The following MYT1L variants were observed in gnomAD, a reference collection of about 807,000 sequenced individuals.
MYT1L encodes myelin transcription factor 1 like.
Under a neutral mutation model 126.7 loss-of-function variants are expected in MYT1L, and 12 were observed. The ratio of observed to expected loss-of-function variants is 0.09; its 90% CI spans 0.06 to 0.15. MYT1L has a LOEUF of 0.15. MYT1L is among the 10% of genes least tolerant of loss of function. The pLI, the probability that MYT1L is intolerant of heterozygous loss-of-function variation, is 1.00. For synonymous variants in MYT1L, 541 were observed against 604.2 expected (o/e 0.90, Z 1.53); for missense variants, 979 against 1,585.2 (o/e 0.62, Z 6.49).
In MYT1L at chr2:1,997,499, G is replaced by A. The variant is rs1001403676; in HGVS notation, c.-157-152C>T. 2.6e-5 allele frequency among the ~76,000 whole-genome samples: 4 copies of A among 152,222 alleles called. No individual in the cohort carries two copies. In the South Asian group the frequency reaches 6.2e-4, roughly 24 times the overall value. ...GTTCTCTTTCATGTCCATGAGCAAC[G>A]CATTCCCCTTTAGAGTTTATTCTCC... is the stretch of plus-strand genomic sequence containing the variant. On this transcript the variant is annotated intron_variant, in intron 4 of 24. Coordinates refer to ENST00000647738, the MANE Select transcript of MYT1L (RefSeq NM_001303052.2).
chr2:1,791,059 T>C lies in MYT1L; in HGVS notation c.*808A>G. The C allele has an allele frequency of 2.8e-6, 1 of 360,734 alleles. No homozygotes were observed. The highest frequency in any genetic ancestry group is 2.3e-5 in the South Asian group (1 of 43,646). The allele number at this position is 360,734 out of a possible 1,614,324, so 22.3% of individuals were successfully genotyped here. ...ACCTCTGATAAGATCCTGTCTTAAC[T>C]GGAGTTTCCATAGTCACAACCATGT... is the stretch of plus-strand genomic sequence containing the variant. On this transcript the variant is annotated 3_prime_UTR_variant, in exon 25 of 25. Coordinates refer to ENST00000647738, the MANE Select transcript of MYT1L (RefSeq NM_001303052.2). The surrounding 1 kb of genome is among the most constrained non-coding windows in gnomAD (Gnocchi z 6.0).
chr2:2,184,027 CAG>C (rs1169998011), intron 2 of MYT1L, among the ~76,000 whole-genome samples: 4 of 139,098 alleles, frequency 2.9e-5, no homozygotes, highest in Middle Eastern at 3.7e-3. Flanking sequence ...GAAAGAAAGA[CAG>C]AAAGAGAGAA....
At chr2:2,177,681 G>A (rs946146328) in intron 2 of MYT1L, among the ~76,000 whole-genome samples, 1 of 152,170 alleles carries the variant, frequency 6.6e-6, no homozygotes, top group African/African-American at 2.4e-5. Context: ...GAGAATTTGA[G>A]AGAATCCAGG....
At chr2:2,146,870 T>C (rs541647301) in intron 3 of MYT1L, among the ~76,000 whole-genome samples, 40 of 152,316 alleles carry the variant, frequency 2.6e-4, no homozygotes, top group South Asian at 4.1e-4. Context: ...TTGTGTGACC[T>C]TGAACATCCT....
intron 3 of MYT1L, among the ~76,000 whole-genome samples, chr2:2,161,153 C>T (rs2087841454): frequency 6.6e-6 from 1 of 152,126 alleles, no homozygotes; most frequent in Admixed American, 6.6e-5. Flanking sequence ...GCAGAGGTTG[C>T]AGTGAGCCGA....
chr2:1,922,693 T>A lies in MYT1L; in HGVS notation c.1076A>T (p.Gln359Leu). 1.2e-6 allele frequency: 2 copies of A among 1,613,902 alleles called. No homozygotes were observed. The highest frequency in any genetic ancestry group is 1.7e-6 in the Non-Finnish European group (2 of 1,179,860). ...GAAGTCCTCTTCTGGCCGGACATGC[T>A]GACGGATGTTCATGTTCTGCTGCGG... Reference protein sequence around the residue: ...RNPQQNMNIRQHVRPEEDFPG... With the variant: ...RNPQQNMNIRLHVRPEEDFPG... The change falls in exon 10 of 25, where the codon CAG becomes CTG. Residue 359 changes from glutamine to leucine, a missense_variant. Gln to Leu is a moderately radical substitution (Grantham distance 113, BLOSUM62 -2). Coordinates refer to ENST00000647738, the MANE Select transcript of MYT1L (RefSeq NM_001303052.2). The surrounding 1 kb of genome is among the most constrained non-coding windows in gnomAD (Gnocchi z 7.4).
intron 5 of MYT1L, among the ~76,000 whole-genome samples, chr2:1,980,222 A>G (rs1240836693): frequency 2.0e-5 from 3 of 147,814 alleles, no homozygotes; most frequent in Admixed American, 1.4e-4. Flanking sequence ...TTATATATAT[A>G]ACATATATAT....
intron 10 of MYT1L, among the ~76,000 whole-genome samples, chr2:1,918,522 C>A (rs1018295479): frequency 1.3e-5 from 2 of 152,206 alleles, no homozygotes; most frequent in African/African-American, 4.8e-5. Flanking sequence ...CACTTTATAT[C>A]AATAAAAGCT....
At chr2:1,823,528 G>A (rs1253535432) in intron 21 of MYT1L, among the ~76,000 whole-genome samples, 4 of 152,216 alleles carry the variant, frequency 2.6e-5, no homozygotes, top group East Asian at 3.9e-4. Flanking sequence ...GGACGGAAGC[G>A]AAGGCTGCAG....
At chr2:2,117,689 A>C (rs2080400626) in intron 3 of MYT1L, among the ~76,000 whole-genome samples, 2 of 152,178 alleles carry the variant, frequency 1.3e-5, no homozygotes, top group African/African-American at 4.8e-5. Context: ...TATTAACTTA[A>C]CGGAATAAGA....
intron 5 of MYT1L, among the ~76,000 whole-genome samples, chr2:1,986,395 G>C (rs1048201135): frequency 1.3e-5 from 2 of 152,092 alleles, no homozygotes; most frequent in African/African-American, 4.8e-5. Flanking sequence ...TTCAAAAAAA[G>C]CCTCAGGGTA....
chr2:2,294,225 T>G (rs1441055408), intron 1 of MYT1L, among the ~76,000 whole-genome samples: 1 of 152,150 alleles, frequency 6.6e-6, no homozygotes, highest in Non-Finnish European at 1.5e-5. Context: ...CCCCGGTCAC[T>G]TGACTCTGCT....
intron 3 of MYT1L, among the ~76,000 whole-genome samples, chr2:2,106,977 T>C (rs947326606): frequency 6.6e-6 from 1 of 152,162 alleles, no homozygotes; most frequent in Non-Finnish European, 1.5e-5. Context: ...GGATCCTTTG[T>C]GGCTTTCGTG....
intron 9 of MYT1L, among the ~76,000 whole-genome samples, chr2:1,934,942 T>C (rs1047669852): frequency 6.6e-6 from 1 of 152,140 alleles, no homozygotes; most frequent in Non-Finnish European, 1.5e-5. Context: ...GCTGCTCACA[T>C]AAATGTGCTA....
chr2:2,052,857 A>G (rs2069003898), intron 4 of MYT1L, among the ~76,000 whole-genome samples: 1 of 152,220 alleles, frequency 6.6e-6, no homozygotes, highest in Admixed American at 6.5e-5. Context: ...TGGTGCAGCC[A>G]CTATTGAAAA....
At chr2:1,860,842 G>A (rs1028876532) in intron 18 of MYT1L, among the ~76,000 whole-genome samples, 2 of 152,080 alleles carry the variant, frequency 1.3e-5, no homozygotes, top group Non-Finnish European at 2.9e-5. Context: ...TGGGGGCTGG[G>A]AGCGGTTCTT....
chr2:2,132,713 A>G (rs2082540683), intron 3 of MYT1L, among the ~76,000 whole-genome samples: 1 of 152,224 alleles, frequency 6.6e-6, no homozygotes, highest in Non-Finnish European at 1.5e-5. Context: ...CATGTTCTGC[A>G]CAAGTATCCC....
chr2:1,875,908 G>C (rs1441129008), intron 18 of MYT1L, among the ~76,000 whole-genome samples: 1 of 152,166 alleles, frequency 6.6e-6, no homozygotes, highest in African/African-American at 2.4e-5. Flanking sequence ...ACCCTTGAAA[G>C]TGGGCCCCTA....
At chr2:2,040,861 G>A (rs1272093077) in intron 4 of MYT1L, among the ~76,000 whole-genome samples, 2 of 151,992 alleles carry the variant, frequency 1.3e-5, no homozygotes, top group African/African-American at 2.4e-5. Context: ...TAATTAACTG[G>A]TTTCTACTTT....
Sources: gnomAD v4.1 joint callset for allele counts (sites outside exome capture counted in the v4.1 genomes callset) on GRCh38, gnomAD v4.1.1 for gene constraint, Gnocchi (gnomAD v3.1) non-coding constraint, MANE v1.5 for transcripts, NCBI Gene and HGNC (gene_info 2026-07-23, HGNC 2026-07-21) for gene names.